SNX25: variants seen among roughly 807,000 people sequenced by gnomAD.
SNX25 encodes the protein sorting nexin 25.
SNX25 carries 62 observed loss-of-function variants against 113.7 expected under a neutral mutation model. The observed-to-expected ratio is 0.55, with a 90% CI of 0.44 to 0.67. The LOEUF is 0.67. Among genes scored for constraint, SNX25 ranks in the 30% least tolerant of loss-of-function variants. The pLI is 0.00. For missense variants in SNX25, 1,014 were observed against 1,161.0 expected (o/e 0.87, Z 1.84); for synonymous variants, 421 against 436.2 (o/e 0.97, Z 0.43).
At chr4:185,230,566 ATT>A (rs879518195) in intron 1 of SNX25, among the ~76,000 whole-genome samples, 1 of 143,704 alleles carries the variant, frequency 7.0e-6, no homozygotes, top group Non-Finnish European at 1.5e-5. Flanking sequence ...CTAATTTTGT[ATT>A]TTTTTTTTTT....
chr4:185,266,996 G>A lies in SNX25; in HGVS notation c.932G>A (p.Ser311Asn). The A allele has an allele frequency of 8.7e-6, 14 of 1,613,430 alleles. No homozygotes were observed. Among genetic ancestry groups the A allele is most frequent in the Non-Finnish European group, 1.2e-5 (14 of 1,179,714 alleles). Reference protein sequence around the residue: ...KVLKPVVELLSNPDYINQMLL... With the variant: ...KVLKPVVELLNNPDYINQMLL... Reference sequence around the variant, plus strand: ...TTGAAGCCGGTAGTGGAGTTACTGAGTAATCCAGATTACATTAACCAAATG... The same window carrying A: ...TTGAAGCCGGTAGTGGAGTTACTGAATAATCCAGATTACATTAACCAAATG... The change falls in exon 5 of 19, where the codon AGT becomes AAT. Residue 311 changes from serine to asparagine, a missense_variant. Transcript: ENST00000652585.
downstream of SNX25, chr4:185,372,714 T>A (rs2095419976): frequency 1.6e-6 from 1 of 624,490 alleles, no homozygotes; most frequent in Non-Finnish European, 2.7e-6. Flanking sequence ...TGCTGTCACG[T>A]GAGGACATGA....
intron 1 of SNX25, among the ~76,000 whole-genome samples, chr4:185,242,285 G>A (rs1371961448): frequency 2.0e-5 from 3 of 152,242 alleles, no homozygotes; most frequent in Admixed American, 1.3e-4. Flanking sequence ...CACCAGCTGG[G>A]TGTCCTCTAA....
Position 185,229,719 on chromosome 4 carries a change from T to C in SNX25, c.430-17575T>C, listed in dbSNP as rs550063469. On this transcript the variant is annotated intron_variant, in intron 1 of 18. Coordinates refer to ENST00000652585, the MANE Select transcript of SNX25 (RefSeq NM_001378034.2). ...TTGGGAAGGAGAATTGTTTCTTCTT[T>C]AGAGGAGTAGGTTTTAACCATGTTA... Among the ~76,000 whole-genome samples, 9 of 152,324 alleles carry C rather than the reference T, an allele frequency of 5.9e-5. No individual in the cohort carries two copies. The East Asian group carries it at 1.7e-3, about 29-fold the overall frequency.
At chr4:185,211,744 G>C (rs549951258) in intron 1 of SNX25, among the ~76,000 whole-genome samples, 83 of 152,298 alleles carry the variant, frequency 5.4e-4, no homozygotes, top group African/African-American at 1.6e-3. Flanking sequence ...TGATTAAGAG[G>C]TAAGAGATGA....
At chr4:185,273,271 C>G (rs1749207860) in intron 5 of SNX25, among the ~76,000 whole-genome samples, 1 of 152,106 alleles carries the variant, frequency 6.6e-6, no homozygotes, top group Non-Finnish European at 1.5e-5. Flanking sequence ...TTAAGGTGTA[C>G]AGTGTCATTT....
chr4:185,216,686 CT>C (rs1439415283), intron 1 of SNX25, among the ~76,000 whole-genome samples: 4 of 151,544 alleles, frequency 2.6e-5, no homozygotes. Flanking sequence ...CGCCCGGCTA[CT>C]TTTTGTAATT....
chr4:185,228,725 C>T (rs760123324), intron 1 of SNX25, among the ~76,000 whole-genome samples: 5 of 151,848 alleles, frequency 3.3e-5, no homozygotes, highest in African/African-American at 7.2e-5. Context: ...TTAAGAGAGG[C>T]GATAAAAGGT....
At chr4:185,265,145 G>A (rs550825951) in intron 4 of SNX25, among the ~76,000 whole-genome samples, 3 of 151,952 alleles carry the variant, frequency 2.0e-5, no homozygotes, top group East Asian at 3.9e-4. Flanking sequence ...GTCAAATTCT[G>A]ATTAGCATAT....
At chr4:185,235,864 A>G (rs932045603) in intron 1 of SNX25, among the ~76,000 whole-genome samples, 1 of 152,220 alleles carries the variant, frequency 6.6e-6, no homozygotes, top group African/African-American at 2.4e-5. Flanking sequence ...GCAAGGGATG[A>G]AAGGAATATG....
intron 1 of SNX25, among the ~76,000 whole-genome samples, chr4:185,217,532 C>T (rs563773737): frequency 1.2e-4 from 19 of 152,262 alleles, no homozygotes; most frequent in African/African-American, 4.3e-4. Flanking sequence ...TTCTACTTGG[C>T]ACCTTCTTAA....
the SNX25 span, among the ~76,000 whole-genome samples, chr4:185,376,411 G>C: frequency 6.6e-6 from 1 of 151,398 alleles, no homozygotes; most frequent in East Asian, 1.9e-4. Context: ...CAAGTAGCTG[G>C]GATTACAGAT....
At chr4:185,369,463 C>T (rs528105418) in intron 11 of SNX25, among the ~76,000 whole-genome samples, 82 of 151,912 alleles carry the variant, frequency 5.4e-4, no homozygotes, top group African/African-American at 1.9e-3. Context: ...AGGCTGGTCT[C>T]GAACTCCTGA....
At chr4:185,343,414 A>G (rs1024916312) in intron 12 of SNX25, among the ~76,000 whole-genome samples, 2 of 152,174 alleles carry the variant, frequency 1.3e-5, no homozygotes, top group African/African-American at 4.8e-5. Context: ...TTATTTATGT[A>G]TATGTATATA....
At chr4:185,283,666 C>T (rs1171343362) in intron 5 of SNX25, among the ~76,000 whole-genome samples, 2 of 152,108 alleles carry the variant, frequency 1.3e-5, no homozygotes. Context: ...AGACAGGCAG[C>T]CCTAGATTGT....
intron 6 of SNX25, among the ~76,000 whole-genome samples, chr4:185,289,817 G>A (rs977750714): frequency 7.2e-5 from 11 of 152,150 alleles, no homozygotes; most frequent in African/African-American, 2.7e-4. Flanking sequence ...AGTTCAGTCA[G>A]CAAAATACCT....
At chr4:185,215,997 A>G (rs943591842) in intron 1 of SNX25, among the ~76,000 whole-genome samples, 1 of 152,116 alleles carries the variant, frequency 6.6e-6, no homozygotes, top group South Asian at 2.1e-4. Flanking sequence ...GGGTTTTGCT[A>G]TGTTGCCCAG....
chr4:185,356,139 G>A (rs1378698877), intron 15 of SNX25, among the ~76,000 whole-genome samples: 3 of 151,148 alleles, frequency 2.0e-5, no homozygotes, highest in Non-Finnish European at 4.4e-5. Context: ...TGGAGTAATG[G>A]GGCTCGCGTG....
Position 185,209,801 on chromosome 4 carries a change from C to T in SNX25, c.-26C>T. 1.0e-6 allele frequency: 1 copy of T among 983,798 alleles called. No homozygotes were observed. The highest frequency in any genetic ancestry group is 1.2e-6 in the Non-Finnish European group (1 of 829,330). 60.9% of individuals were successfully genotyped at this position (983,798 alleles called of 1,614,324 possible). On this transcript the variant is annotated 5_prime_UTR_variant, in exon 1 of 19. Transcript: ENST00000652585. The surrounding 1 kb of genome is among the most constrained non-coding windows in gnomAD (Gnocchi z 5.2). ...GGGGACCGGGGGGCAGGAGATGTGC[C>T]TGTCCTTAGCGGCCCAGGAAGCAGC...
Sources: gnomAD v4.1 joint callset for allele counts (sites outside exome capture counted in the v4.1 genomes callset) on GRCh38, gnomAD v4.1.1 for gene constraint, Gnocchi (gnomAD v3.1) non-coding constraint, MANE v1.5 for transcripts, NCBI Gene and HGNC (gene_info 2026-07-23, HGNC 2026-07-21) for gene names.